Variants in CCDC57 observed in about 807,000 individuals in gnomAD.
CCDC57 encodes coiled-coil domain-containing protein 57.
In CCDC57, 118 loss-of-function variants were observed where a neutral mutation model predicts 118.9. The ratio of observed to expected loss-of-function variants is 0.99; its 90% CI spans 0.86 to 1.16. The LOEUF is 1.16. CCDC57 is among the 50% of genes most tolerant of loss of function. The pLI, the probability that CCDC57 is intolerant of heterozygous loss-of-function variation, is 0.00. For missense variants in CCDC57, 1,300 were observed against 1,320.7 expected (o/e 0.98, Z 0.24); for synonymous variants, 527 against 532.9 (o/e 0.99, Z 0.15).
At chr17:82,195,522 T>C (rs998099463) in intron 4 of CCDC57, among the ~76,000 whole-genome samples, 158 bp from the exon 4 acceptor site, 2 of 151,182 alleles carry the variant, frequency 1.3e-5, no homozygotes, top group Non-Finnish European at 2.9e-5. Context: ...TCAGCGACAC[T>C]GGTAACAGCA....
chr17:82,146,922 C>T lies in CCDC57; in HGVS notation c.2455+4638G>A, dbSNP rs75167240. ...ACACACAGTCTCACATACAAATGCA[C>T]GTGCACACACACAGTCTCGTCTCGG... On this transcript the variant is annotated intron_variant, in intron 16 of 19. Coordinates refer to ENST00000665763, the Ensembl canonical transcript of CCDC57. Among the ~76,000 whole-genome samples the T allele has an allele frequency of 9.6e-3, 1,463 of 152,304 alleles. 16 individuals carry two copies. Among genetic ancestry groups the T allele is most frequent in the African/African-American group, 0.03 (1,232 of 41,562 alleles).
chr17:82,194,253 CA>C, intron 5 of CCDC57, 114 bp from the exon 5 acceptor site: 1 of 1,102,348 alleles, frequency 9.1e-7, no homozygotes, highest in Non-Finnish European at 1.3e-6. Flanking sequence ...AATGAAAATT[CA>C]AGAAGCAGTA....
At chr17:82,134,311 C>G (rs981901131) in intron 16 of CCDC57, 117 bp from the exon 16 acceptor site, 3 of 1,050,060 alleles carry the variant, frequency 2.9e-6, no homozygotes, top group Non-Finnish European at 3.7e-6. Context: ...AAAGTAACTT[C>G]CATTACATCG....
rs947868906 is a variant in CCDC57 at position 82,137,780 on chromosome 17, T to C, written c.2456-3586A>G. ...CCTCTGACTTCTTGGTTCAAGCGGT[T>C]CTCCTTCCTCAGCCTCCCGGGTAGC... On this transcript the variant is annotated intron_variant, in intron 16 of 19. Coordinates refer to ENST00000665763, the Ensembl canonical transcript of CCDC57. 3.3e-5 allele frequency among the ~76,000 whole-genome samples: 5 copies of C among 151,684 alleles called. No homozygotes were observed. The South Asian group carries it at 1.0e-3, about 32-fold the overall frequency.
At chr17:82,101,599 C>G in exon 20 of CCDC57, 1 of 1,200,192 alleles carries the variant, frequency 8.3e-7, no homozygotes, top group South Asian at 1.4e-5. Flanking sequence ...GTGCCCACAC[C>G]CCCCCACAAC....
chr17:82,176,191 C>G (rs10852791), intron 11 of CCDC57, among the ~76,000 whole-genome samples: 5 of 62,016 alleles, frequency 8.1e-5, no homozygotes, highest in Admixed American at 2.2e-4. Context: ...TAAAACCCCT[C>G]GTGGCTTGGA....
At chr17:82,130,797 C>T (rs990236457) in intron 17 of CCDC57, among the ~76,000 whole-genome samples, 2 of 151,194 alleles carry the variant, frequency 1.3e-5, no homozygotes, top group African/African-American at 4.9e-5. Context: ...AGCCACCACG[C>T]CCAGCTCCTT....
At chr17:82,210,356 A>T (rs1313147119) in intron 1 of CCDC57, among the ~76,000 whole-genome samples, 1 of 152,080 alleles carries the variant, frequency 6.6e-6, no homozygotes, top group East Asian at 1.9e-4. Context: ...GGGTGCTAAA[A>T]TTAGTGACAG....
At position 82,163,706 on chromosome 17, in the gene CCDC57, G is replaced by GAA. The variant is rs5822503; in HGVS notation, c.1883-351_1883-350dup. Among the ~76,000 whole-genome samples the GAA allele has an allele frequency of 2.0e-5, 3 of 151,822 alleles. No individual in the cohort carries two copies. The East Asian group carries it at 5.8e-4, about 29-fold the overall frequency. Reference sequence around the variant, plus strand: ...AGATGCCACATAACACAGGGTCAAAGAAAAAAATCACAATGGACATTAACA... The same window carrying GAA: ...AGATGCCACATAACACAGGGTCAAAGAAAAAAAAATCACAATGGACATTAACA... On this transcript the variant is annotated intron_variant, in intron 13 of 19. Transcript: ENST00000665763.
rs1231382348 is a variant in CCDC57 at position 82,172,864 on chromosome 17, T to C, written c.1507-4A>G. 4 of 1,607,166 alleles carry C rather than the reference T, an allele frequency of 2.5e-6. No individual in the cohort carries two copies. In the Admixed American group the frequency reaches 5.1e-5, roughly 20 times the overall value. ...CTTCATGCTGCCTGAGAAGCATCTG[T>C]CAAATACAAGGAAAAATGGCTACAA... On this transcript the variant is annotated splice_polypyrimidine_tract_variant and splice_region_variant and intron_variant, in intron 11 of 19. Transcript: ENST00000665763. The surrounding 1 kb of genome is among the most constrained non-coding windows in gnomAD (Gnocchi z 5.2).
chr17:82,161,413 G>A (rs1468087881), intron 14 of CCDC57, among the ~76,000 whole-genome samples: 1 of 152,178 alleles, frequency 6.6e-6, no homozygotes. Flanking sequence ...GTACACCCAG[G>A]AGAACTGAAC....
chr17:82,133,254 G>A (rs2038674290), intron 17 of CCDC57, among the ~76,000 whole-genome samples: 1 of 151,718 alleles, frequency 6.6e-6, no homozygotes, highest in African/African-American at 2.4e-5. Context: ...CACACCTGTG[G>A]TCCCAGCTAC....
rs1199249858 is a variant in CCDC57 at position 82,163,110 on chromosome 17, G to A, written c.2040+90C>T. On this transcript the variant is annotated intron_variant, in intron 14 of 19. Transcript: ENST00000665763. ...GTCAGTGGATGCCCGAGGTCACCTG[G>A]GGTCGCACCGGGCAGCCGCTCAGAG... 1.1e-5 allele frequency: 16 copies of A among 1,502,942 alleles called. 1 individual carries two copies. The South Asian group carries it at 2.0e-4, about 19-fold the overall frequency. The allele number at this position is 1,502,942 out of a possible 1,614,324, so 93.1% of individuals were successfully genotyped here.
At chr17:82,198,246 T>A in intron 4 of CCDC57, 68 bp downstream of exon 3, 1 of 934,144 alleles carries the variant, frequency 1.1e-6, no homozygotes, top group Non-Finnish European at 1.7e-6. Context: ...CTCAGCCCTA[T>A]ATGATTTCAG....
chr17:82,155,269 C>T (rs371787206), intron 15 of CCDC57: 2 of 152,260 alleles, frequency 1.3e-5, no homozygotes, highest in East Asian at 3.9e-4. Flanking sequence ...CAGCACCCAT[C>T]CGTGGTCGCC....
chr17:82,134,151 C>T lies in CCDC57; in HGVS notation c.2499G>A (p.Arg833=), dbSNP rs886587895. 1.5e-5 allele frequency: 20 copies of T among 1,373,212 alleles called. No homozygotes were observed. The South Asian group carries it at 3.3e-4, about 22-fold the overall frequency. The allele number at this position is 1,373,212 out of a possible 1,614,324, so 85.1% of individuals were successfully genotyped here. Residue 833 remains arginine (R), a synonymous_variant, in exon 17 of 20, where the codon CGG becomes CGA. Transcript: ENST00000665763. ...GCCTCCTGGGCTCCTCGCCTGGCTT[C>T]CGGGCCTCAGGGGCAGGAGGGAGGG... is the stretch of plus-strand genomic sequence containing the variant.
rs574311280 is a variant in CCDC57 at position 82,115,972 on chromosome 17, T to C, written c.2899+11720A>G. Among the ~76,000 whole-genome samples the C allele has an allele frequency of 2.0e-5, 3 of 151,180 alleles. No individual in the cohort carries two copies. In the East Asian group the frequency reaches 6.0e-4, roughly 30 times the overall value. ...GCAACCGTGCCAGGCTAATTTTTCT[T>C]ATTTTTAGTAGAGATGGGGTTTCAC... is the stretch of plus-strand genomic sequence containing the variant. On this transcript the variant is annotated intron_variant, in intron 19 of 19. Transcript: ENST00000665763.
At chr17:82,124,203 A>G (rs2145176026) in intron 19 of CCDC57, among the ~76,000 whole-genome samples, 1 of 152,256 alleles carries the variant, frequency 6.6e-6, no homozygotes, top group Non-Finnish European at 1.5e-5. Context: ...GTAGGACCTA[A>G]TTCCTTGTTT....
At chr17:82,202,106 G>A (rs967547877) in intron 2 of CCDC57, among the ~76,000 whole-genome samples, 154 bp from the exon 2 acceptor site, 3 of 152,268 alleles carry the variant, frequency 2.0e-5, no homozygotes, top group South Asian at 2.1e-4. Context: ...CGAGGCAGGC[G>A]GATCACCTGA....
Sources: allele counts gnomAD v4.1 joint callset (sites outside exome capture counted in the v4.1 genomes callset), GRCh38; gene constraint gnomAD v4.1.1; non-coding constraint Gnocchi (gnomAD v3.1); transcripts MANE v1.5; gene names NCBI Gene and HGNC (gene_info 2026-07-23, HGNC 2026-07-21).